PPP2R3B: variants seen among roughly 807,000 people sequenced by gnomAD.
The protein encoded by PPP2R3B is protein phosphatase 2 regulatory subunit B''beta.
In PPP2R3B, 68 loss-of-function variants were observed where a neutral mutation model predicts 72.9. The ratio of observed to expected loss-of-function variants is 0.93; its 90% CI spans 0.77 to 1.14. The LOEUF (loss-of-function observed/expected upper bound fraction) is 1.14. Among genes scored for constraint, PPP2R3B ranks in the 50% most tolerant of loss-of-function variants. PPP2R3B has a pLI of 0.00. For missense variants in PPP2R3B, 1,018 were observed against 842.0 expected, an observed-to-expected ratio of 1.21 and a Z score of -2.59; for synonymous variants, 466 against 375.8, an observed-to-expected ratio of 1.24 and a Z score of -2.78.
In PPP2R3B at chrX:386,699, G is replaced by A; in HGVS notation, c.-8C>T. 6.3e-6 allele frequency: 8 copies of A among 1,271,660 alleles called. No homozygotes were observed. Among genetic ancestry groups the A allele is most frequent in the Non-Finnish European group, 6.9e-6 (7 of 1,012,886 alleles). The allele number at this position is 1,271,660 out of a possible 1,614,324, so 78.8% of individuals were successfully genotyped here. On this transcript the variant is annotated 5_prime_UTR_variant, in exon 1 of 13. Transcript: ENST00000390665. Reference sequence around the variant, plus strand: ...CACTTTGCCGGGCGGCATGGCGGGGGCTGGGCCCGCGGCGCCCCCGGACGC... The same window carrying A: ...CACTTTGCCGGGCGGCATGGCGGGGACTGGGCCCGCGGCGCCCCCGGACGC...
intron 6 of PPP2R3B, 55 bp downstream of exon 6, chrX:346,119 A>C (rs2124630226): frequency 4.4e-6 from 4 of 903,422 alleles, no homozygotes; most frequent in Non-Finnish European, 5.9e-6. Context: ...AAGGGAGTGG[A>C]GGTAGGAGGG....
chrX:347,648 C>A lies in PPP2R3B; in HGVS notation c.556G>T (p.Ala186Ser), dbSNP rs5948798. The change falls in exon 3 of 13, where the codon GCC becomes TCC. Residue 186 changes from alanine (A) to serine (S), a missense_variant. Transcript: ENST00000390665. ...LYWKGPLFYG[A>S]GGERTGSVSV... The stretch of plus-strand genomic sequence containing the variant: ...ACGGAGCCCGTGCGCTCCCCGCCGG[C>A]GCCATAGAAGAGCGGCCCCTTCCAG... 1 of 1,572,598 alleles carries A rather than the reference C, an allele frequency of 6.4e-7. No homozygotes were observed. Among genetic ancestry groups the A allele is most frequent in the East Asian group, 2.3e-5 (1 of 43,382 alleles).
chrX:356,885 C>CTTG (rs1424732048), intron 2 of PPP2R3B, among the ~76,000 whole-genome samples: 7 of 93,000 alleles, frequency 7.5e-5, no homozygotes, highest in African/African-American at 2.0e-4. Flanking sequence ...ATCCACACCC[C>CTTG]GCCAGCCACA....
intron 10 of PPP2R3B, among the ~76,000 whole-genome samples, chrX:340,453 C>A (rs2071029800): frequency 8.2e-6 from 1 of 121,918 alleles, no homozygotes; most frequent in South Asian, 2.5e-4. Context: ...GGTCCGTCCC[C>A]CCTCCCGTCT....
chrX:353,911 T>TG (rs2071383353), intron 2 of PPP2R3B, among the ~76,000 whole-genome samples: 1 of 118,674 alleles, frequency 8.4e-6, no homozygotes, highest in African/African-American at 3.3e-5. Flanking sequence ...ACCCAAAGAC[T>TG]GGGGCTCGCC....
intron 1 of PPP2R3B, among the ~76,000 whole-genome samples, chrX:362,587 G>GTCCTCC (rs1051638424): frequency 6.6e-6 from 1 of 151,180 alleles, no homozygotes; most frequent in Non-Finnish European, 1.5e-5. Flanking sequence ...ATGGGGCTGC[G>GTCCTCC]TCCTCCTCCT....
chrX:345,416 C>A (rs749202192), intron 7 of PPP2R3B, 100 bp downstream of exon 7: 2 of 1,462,528 alleles, frequency 1.4e-6, no homozygotes, highest in African/African-American at 2.8e-5. Context: ...AGACACAGAG[C>A]TGGGAGTGCG....
At chrX:357,884 C>G (rs183351181) in intron 2 of PPP2R3B, among the ~76,000 whole-genome samples, 99 of 152,258 alleles carry the variant, frequency 6.5e-4, no homozygotes, top group African/African-American at 2.3e-3. Flanking sequence ...TGTATGAGAT[C>G]AGCCCTGACT....
At chrX:336,173 AAAT>A (rs887960378) in intron 12 of PPP2R3B, 2 of 152,154 alleles carry the variant, frequency 1.3e-5, no homozygotes, top group South Asian at 2.1e-4. Flanking sequence ...GTCTCCAAAA[AAAT>A]AATAAAATAC....
intron 6 of PPP2R3B, 76 bp downstream of exon 6, chrX:346,098 G>GGT: frequency 1.5e-6 from 1 of 655,814 alleles, no homozygotes; most frequent in Non-Finnish European, 2.3e-6. Context: ...GGAGGGGGGA[G>GGT]GAGGGAAGGG....
chrX:356,554 T>C (rs1420988380), intron 2 of PPP2R3B, among the ~76,000 whole-genome samples: 1 of 152,116 alleles, frequency 6.6e-6, no homozygotes, highest in Non-Finnish European at 1.5e-5. Context: ...AAACTAAACA[T>C]GTGGCCACCA....
chrX:383,556 C>T (rs567855871), intron 1 of PPP2R3B, among the ~76,000 whole-genome samples: 5 of 151,900 alleles, frequency 3.3e-5, no homozygotes, highest in Middle Eastern at 3.4e-3. Flanking sequence ...ACACGGCTGT[C>T]GGCGGGCACG....
intron 2 of PPP2R3B, among the ~76,000 whole-genome samples, chrX:360,001 G>A (rs986201038): frequency 1.5e-4 from 14 of 91,704 alleles, no homozygotes; most frequent in African/African-American, 5.1e-4. Flanking sequence ...GAAAAAGGGC[G>A]GGGACACTTA....
Position 341,344 on chromosome X carries a change from A to G in PPP2R3B, c.1138T>C (p.Phe380Leu). ...GKISYADFVW[F>L]LISEEDKKTP... ...TTTTTGTCTTCCTCAGAGATCAAAA[A>G]CCAGACAAAGTCGGCATAGCTGATC... The change falls in exon 9 of 13, where the codon TTT becomes CTT. Residue 380 changes from phenylalanine to leucine, a missense_variant. Phe to Leu is a conservative substitution (Grantham distance 22). Transcript: ENST00000390665. 1 of 1,612,550 alleles carries G rather than the reference A, an allele frequency of 6.2e-7. No individual in the cohort carries two copies. Among genetic ancestry groups the G allele is most frequent in the South Asian group, 1.1e-5 (1 of 91,062 alleles).
At chrX:364,851 C>G (rs1451483980) in intron 1 of PPP2R3B, among the ~76,000 whole-genome samples, 5 of 34,798 alleles carry the variant, frequency 1.4e-4, no homozygotes, top group Admixed American at 3.3e-4. Flanking sequence ...CCACTGCACT[C>G]CAGCCTGGGC....
At chrX:380,003 G>A (rs1201839204) in intron 1 of PPP2R3B, among the ~76,000 whole-genome samples, 2 of 152,094 alleles carry the variant, frequency 1.3e-5, no homozygotes, top group African/African-American at 2.4e-5. Flanking sequence ...ACAATTCCAC[G>A]GGGGGAGAAA....
intron 1 of PPP2R3B, among the ~76,000 whole-genome samples, chrX:371,470 G>A (rs1023657746): frequency 1.1e-4 from 16 of 152,134 alleles, no homozygotes; most frequent in Admixed American, 2.6e-4. Flanking sequence ...GTTCACCATC[G>A]GGGCAGGCAG....
At chrX:371,208 A>G (rs1254166653) in intron 1 of PPP2R3B, among the ~76,000 whole-genome samples, 2 of 152,084 alleles carry the variant, frequency 1.3e-5, no homozygotes, top group Non-Finnish European at 2.9e-5. Flanking sequence ...CTCCAGGTAC[A>G]TGCTGGGTCC....
chrX:358,596 T>G (rs2124166078), intron 2 of PPP2R3B, among the ~76,000 whole-genome samples: 1 of 152,244 alleles, frequency 6.6e-6, no homozygotes, highest in East Asian at 1.9e-4. Context: ...AAAACTTGCT[T>G]TTTACCACCA....
Sources: gnomAD v4.1 joint callset for allele counts (sites outside exome capture counted in the v4.1 genomes callset) on GRCh38, gnomAD v4.1.1 for gene constraint, MANE v1.5 for transcripts, NCBI Gene and HGNC (gene_info 2026-07-23, HGNC 2026-07-21) for gene names.